The following NDUFAF6 variants were observed in gnomAD, a reference collection of about 807,000 sequenced individuals.
NDUFAF6 encodes NADH dehydrogenase (ubiquinone) complex I, assembly factor 6.
A neutral mutation model predicts 40.8 loss-of-function variants in NDUFAF6; 45 were observed. That is an observed-to-expected ratio of 1.10 (90% CI 0.87 to 1.42). The LOEUF (loss-of-function observed/expected upper bound fraction) is 1.42. Ranked by LOEUF, NDUFAF6 falls within the 40% of genes most tolerant of loss-of-function variation. The probability of loss-of-function intolerance (pLI) is 0.00; values close to 1 mark genes in which losing one functional copy is unlikely to be tolerated. For missense variants in NDUFAF6, 435 were observed against 418.5 expected (o/e 1.04, Z -0.34); for synonymous variants, 185 against 155.9 (o/e 1.19, Z -1.39).
chr8:94,934,174 GAT>G (rs1389118150), intron 1 of NDUFAF6, among the ~76,000 whole-genome samples: 1 of 151,236 alleles, frequency 6.6e-6, no homozygotes, highest in Non-Finnish European at 1.5e-5. Flanking sequence ...AATCTGGAAG[GAT>G]ATACTCTAGG....
chr8:94,940,125 G>C, intron 1 of NDUFAF6: 1 of 1,614,150 alleles, frequency 6.2e-7, no homozygotes, highest in Non-Finnish European at 8.5e-7. Flanking sequence ...AGAGATGCCG[G>C]TAAACAGGAA....
chr8:94,989,273 A>G (rs902988396), intron 2 of NDUFAF6: 10 of 152,238 alleles, frequency 6.6e-5, no homozygotes, highest in African/African-American at 1.9e-4. Context: ...AAACTATACA[A>G]TGAAAATTAT....
chr8:95,041,976 G>C (rs1251805133), intron 4 of NDUFAF6, among the ~76,000 whole-genome samples: 1 of 152,020 alleles, frequency 6.6e-6, no homozygotes. Flanking sequence ...CATTTGATTT[G>C]TAAATACATA....
chr8:95,039,190 C>G (rs1169310288), intron 3 of NDUFAF6, among the ~76,000 whole-genome samples: 1 of 151,252 alleles, frequency 6.6e-6, no homozygotes, highest in Non-Finnish European at 1.5e-5. Context: ...CACGTTGGCT[C>G]ACACCTGTAA....
At chr8:94,947,504 C>G (rs1822125104) in intron 2 of NDUFAF6, among the ~76,000 whole-genome samples, 1 of 152,146 alleles carries the variant, frequency 6.6e-6, no homozygotes, top group African/African-American at 2.4e-5. Context: ...AAAACCAAGC[C>G]AAGAAAGTTA....
intron 2 of NDUFAF6, among the ~76,000 whole-genome samples, chr8:95,014,609 A>C (rs1450808214): frequency 1.3e-5 from 2 of 152,174 alleles, no homozygotes; most frequent in Admixed American, 6.5e-5. Flanking sequence ...TTCCTGGTTT[A>C]TGGTTTTGTT....
chr8:95,056,602 T>G (rs1399197490), intron 8 of NDUFAF6, among the ~76,000 whole-genome samples: 1 of 152,080 alleles, frequency 6.6e-6, no homozygotes, highest in East Asian at 1.9e-4. Flanking sequence ...TATGTAAGTT[T>G]AGGGTTTTAA....
intron 1 of NDUFAF6, among the ~76,000 whole-genome samples, chr8:94,910,653 A>G (rs768601273): frequency 3.1e-4 from 47 of 152,208 alleles, no homozygotes; most frequent in Non-Finnish European, 6.5e-4. Context: ...TTGGCCTTGC[A>G]TATCTCTATG....
At chr8:95,011,332 C>T (rs548717764) in intron 2 of NDUFAF6, among the ~76,000 whole-genome samples, 2 of 152,334 alleles carry the variant, frequency 1.3e-5, no homozygotes, top group African/African-American at 4.8e-5. Flanking sequence ...CACTTTGTTA[C>T]GCAGAGCAGT....
Position 95,069,780 on chromosome 8 carries a change from CA to C in NDUFAF6, c.*512-5839del, listed in dbSNP as rs532924157. ...GGGTGACAAGAGTGAGACTCCGCGT[CA>C]AAAAAAAAAAAAATTATATATATAT... On this transcript the variant is annotated intron_variant and NMD_transcript_variant, in intron 9 of 9. Transcript: ENST00000520757. Among the ~76,000 whole-genome samples, 642 of 76,204 alleles carry C rather than the reference CA, an allele frequency of 8.4e-3. 5 individuals carry two copies. The Middle Eastern group carries it at 0.11, about 13-fold the overall frequency. 50.0% of individuals were successfully genotyped at this position (76,204 alleles called of 152,430 possible). A position where few individuals can be genotyped will look rare whatever the true frequency, so the allele number is the denominator to read the frequency against.
chr8:95,089,585 C>T (rs1048648034), intron 2 of NDUFAF6, among the ~76,000 whole-genome samples: 6 of 152,208 alleles, frequency 3.9e-5, no homozygotes, highest in African/African-American at 2.4e-5. Context: ...AGTAATTCTC[C>T]AGGAAGTTTC....
rs181214126 is a variant in NDUFAF6, at chr8:94,935,530, T to C, written c.-935-9953T>C. 4.6e-5 allele frequency among the ~76,000 whole-genome samples: 7 copies of C among 152,324 alleles called. No homozygotes were observed. The East Asian group carries it at 9.6e-4, about 21-fold the overall frequency. ...AGTGACCAACAATTGCTTGGGGCAA[T>C]AGACAGATTGATTAATCAAGATAAT... On this transcript the variant is annotated intron_variant, in intron 1 of 14. Transcript: ENST00000396113.
intron 1 of NDUFAF6, chr8:94,932,106 C>G: frequency 6.2e-7 from 1 of 1,609,564 alleles, no homozygotes; most frequent in South Asian, 1.1e-5. Flanking sequence ...CTTTTCCTGG[C>G]CCTACAAATG....
At chr8:95,066,975 G>A (rs1253743646) in intron 9 of NDUFAF6, 1 of 152,232 alleles carries the variant, frequency 6.6e-6, no homozygotes, top group African/African-American at 2.4e-5. Flanking sequence ...TGAGGAATGT[G>A]AGGCCAACTA....
intron 9 of NDUFAF6, among the ~76,000 whole-genome samples, chr8:95,070,357 T>G (rs556769437): frequency 5.6e-4 from 86 of 152,342 alleles, no homozygotes; most frequent in African/African-American, 2.0e-3. Flanking sequence ...AGTGTACATA[T>G]GTGTTTGCCA....
chr8:94,940,744 T>G, intron 1 of NDUFAF6: 1 of 977,554 alleles, frequency 1.0e-6, no homozygotes, highest in Non-Finnish European at 1.6e-6. Context: ...AACCCCTCAG[T>G]TATTGGTTTC....
chr8:94,901,521 G>T (rs1392968334), intron 1 of NDUFAF6, among the ~76,000 whole-genome samples: 1 of 151,916 alleles, frequency 6.6e-6, no homozygotes, highest in African/African-American at 2.4e-5. Context: ...AACAGCTATG[G>T]CATAGGACAA....
At chr8:95,091,101 G>C (rs1010803900) in intron 2 of NDUFAF6, among the ~76,000 whole-genome samples, 3 of 150,430 alleles carry the variant, frequency 2.0e-5, no homozygotes, top group African/African-American at 4.9e-5. Context: ...AGAGAACCTT[G>C]ACTAATACAG....
In NDUFAF6 at chr8:94,979,843, C is replaced by T. The variant is rs535397596; in HGVS notation, c.-198-1016C>T. On this transcript the variant is annotated intron_variant, in intron 1 of 9. Coordinates refer to the NDUFAF6 transcript ENST00000396111. ...GGCACCATGGCTTACGCCTGTAATC[C>T]CAGCACTTTGGGAGGCCGAGGCAGG... is the stretch of plus-strand genomic sequence containing the variant. Among the ~76,000 whole-genome samples the T allele has an allele frequency of 4.7e-3, 712 of 152,300 alleles. 7 individuals are homozygous for T. The highest frequency in any genetic ancestry group is 7.2e-3 in the Non-Finnish European group (489 of 68,026).
Sources: allele counts gnomAD v4.1 joint callset (sites outside exome capture counted in the v4.1 genomes callset), GRCh38; gene constraint gnomAD v4.1.1; transcripts MANE v1.5; gene names NCBI Gene and HGNC (gene_info 2026-07-23, HGNC 2026-07-21).